Variants in ITGB2 observed in about 807,000 individuals in gnomAD.
The protein encoded by ITGB2 is integrin beta-2.
A neutral mutation model predicts 86.8 loss-of-function variants in ITGB2; 56 were observed. The ratio of observed to expected loss-of-function variants is 0.65; its 90% CI spans 0.52 to 0.81. The LOEUF is 0.81. Among genes scored for constraint, ITGB2 ranks in the 30% least tolerant of loss-of-function variants. The pLI, the probability that ITGB2 is intolerant of heterozygous loss-of-function variation, is 0.00. For missense variants in ITGB2, 948 were observed against 1,061.2 expected, an observed-to-expected ratio of 0.89 and a Z score of 1.48; for synonymous variants, 457 against 450.4, an observed-to-expected ratio of 1.01 and a Z score of -0.19.
rs1278051736 is a variant in ITGB2, at chr21:44,889,292, G to C, written c.1861C>G (p.Pro621Ala). 8.1e-6 allele frequency: 13 copies of C among 1,612,696 alleles called. No homozygotes were observed. The highest frequency in any genetic ancestry group is 1.1e-5 in the Non-Finnish European group (13 of 1,179,838). The change falls in exon 13 of 16, where the codon CCC becomes GCC. Residue 621 changes from proline to alanine, a missense_variant. Coordinates refer to ENST00000652462, the MANE Select transcript of ITGB2 (RefSeq NM_000211.5). Reference sequence around the variant, plus strand: ...TGCACTCACATGTACTTGCCACAGGGTGAGGGGCAGCCGGGGCACTCCTGG... The same window carrying C: ...TGCACTCACATGTACTTGCCACAGGCTGAGGGGCAGCCGGGGCACTCCTGG... ...LCQECPGCPS[P>A]CGKYISCAEC...
chr21:44,894,750 C>T (rs1473027769), intron 9 of ITGB2: 15 of 600,618 alleles, frequency 2.5e-5, no homozygotes, highest in Admixed American at 2.1e-4. Context: ...CAGGGAGCAT[C>T]GCCCACAACA....
At chr21:44,916,112 G>A (rs1490315700) in intron 1 of ITGB2, among the ~76,000 whole-genome samples, 2 of 152,064 alleles carry the variant, frequency 1.3e-5, no homozygotes, top group African/African-American at 4.8e-5. Context: ...TAGTAGAGAT[G>A]GAGTTTCACC....
chr21:44,891,671 G>A (rs2083786926), intron 11 of ITGB2, 138 bp downstream of exon 11: 4 of 920,876 alleles, frequency 4.3e-6, no homozygotes, highest in Admixed American at 2.3e-5. Context: ...CCCACCTCCT[G>A]CAGAAGGGGG....
At chr21:44,920,035 C>G (rs184633337) in intron 1 of ITGB2, among the ~76,000 whole-genome samples, 1 of 152,144 alleles carries the variant, frequency 6.6e-6, no homozygotes, top group South Asian at 2.1e-4. Context: ...TGAACCAACT[C>G]GACCAGAATC....
At chr21:44,896,693 G>A (rs1361043184) in intron 8 of ITGB2, among the ~76,000 whole-genome samples, 1 of 152,244 alleles carries the variant, frequency 6.6e-6, no homozygotes, top group African/African-American at 2.4e-5. Context: ...GTCCTGCTGA[G>A]CCTGCTGTGC....
intron 14 of ITGB2, among the ~76,000 whole-genome samples, 200 bp from the exon 15 acceptor site, chr21:44,887,102 G>T (rs950496164): frequency 6.6e-6 from 1 of 152,166 alleles, no homozygotes; most frequent in African/African-American, 2.4e-5. Flanking sequence ...AGGCCCTGTG[G>T]TTCCAAATGA....
At chr21:44,910,862 C>G in intron 1 of ITGB2, 77 bp from the exon 2 acceptor site, 1 of 1,464,928 alleles carries the variant, frequency 6.8e-7, no homozygotes, top group African/African-American at 1.4e-5. Flanking sequence ...TCCCCTCCAG[C>G]TGGCCTGGGA....
At chr21:44,925,379 T>G (rs952424480), upstream of ITGB2, among the ~76,000 whole-genome samples, 2 of 127,432 alleles carry the variant, frequency 1.6e-5, no homozygotes, top group African/African-American at 6.1e-5. Flanking sequence ...CAGAGTAAGA[T>G]CCTGTCAGAA....
intron 1 of ITGB2, among the ~76,000 whole-genome samples, chr21:44,916,025 A>C (rs13051783): frequency 0.19 from 28,940 of 151,970 alleles, 2,885 homozygotes; most frequent in African/African-American, 0.23. Flanking sequence ...CATGTTCAAG[A>C]AATTCTTCTG....
chr21:44,908,017 C>T, intron 3 of ITGB2: 1 of 716,404 alleles, frequency 1.4e-6, no homozygotes, highest in Non-Finnish European at 2.6e-6. Flanking sequence ...TTCAGAGGAG[C>T]TGAAAACCTC....
intron 3 of ITGB2, among the ~76,000 whole-genome samples, chr21:44,909,928 G>A (rs2146545317): frequency 6.6e-6 from 1 of 152,340 alleles, no homozygotes; most frequent in African/African-American, 2.4e-5. Flanking sequence ...AAGCGTGCTG[G>A]CGATGCGGGG....
At chr21:44,923,007 A>G (rs931360762), upstream of ITGB2, 2 of 152,256 alleles carry the variant, frequency 1.3e-5, no homozygotes, top group African/African-American at 4.8e-5. Flanking sequence ...CTCGCTGCGA[A>G]CGTCACGGAC....
upstream of ITGB2, among the ~76,000 whole-genome samples, chr21:44,924,473 G>T (rs562539329): frequency 1.3e-5 from 2 of 152,132 alleles, no homozygotes; most frequent in East Asian, 3.9e-4. Context: ...AAATCAAATA[G>T]AAATGCAAAT....
intron 1 of ITGB2, among the ~76,000 whole-genome samples, chr21:44,912,761 G>T (rs2084152878): frequency 6.6e-6 from 1 of 152,070 alleles, no homozygotes; most frequent in African/African-American, 2.4e-5. Context: ...CTGATCGGAG[G>T]CCCTGTGCGT....
Position 44,906,970 on chromosome 21 carries a change from G to A in ITGB2, c.273C>T (p.His91=), listed in dbSNP as rs1250107767. The change falls in exon 4 of 16, where the codon CAC becomes CAT. Residue 91 remains histidine (H), a synonymous_variant. Coordinates refer to ENST00000652462, the MANE Select transcript of ITGB2 (RefSeq NM_000211.5). ...PTSLAETQED[H]NGGQKQLSPQ... ...GGGACAGCTGCTTCTGGCCCCCATTGTGGTCTTCCTGGGTTTCAGCGAGGC... is the reference window on the plus strand; with the variant it reads ...GGGACAGCTGCTTCTGGCCCCCATTATGGTCTTCCTGGGTTTCAGCGAGGC... The A allele has an allele frequency of 5.0e-6, 8 of 1,614,224 alleles. No individual in the cohort carries two copies. The highest frequency in any genetic ancestry group is 6.8e-6 in the Non-Finnish European group (8 of 1,180,038).
In ITGB2 at chr21:44,928,392, G is replaced by A. The variant is rs141195832; in HGVS notation, c.-4+262C>T. On this transcript the variant is annotated intron_variant, in intron 1 of 15. Transcript: ENST00000355153. ...GAAGAAGAAACTGTAATTCCAGTCC[G>A]TCCACATGGCCCAGCAGTGAACGAC... 68 of 152,408 alleles carry A rather than the reference G, an allele frequency of 4.5e-4. 1 individual carries two copies. Among genetic ancestry groups the A allele is most frequent in the Middle Eastern group, 6.8e-3 (2 of 294 alleles). 9.4% of individuals were successfully genotyped at this position (152,408 alleles called of 1,614,324 possible). A position where few individuals can be genotyped will look rare whatever the true frequency, so the allele number is the denominator to read the frequency against.
At chr21:44,898,388 G>C (rs192895056) in intron 8 of ITGB2, among the ~76,000 whole-genome samples, 1 of 152,142 alleles carries the variant, frequency 6.6e-6, no homozygotes, top group Non-Finnish European at 1.5e-5. Flanking sequence ...CTCCCACCTC[G>C]GGCAGCGGCT....
intron 10 of ITGB2, 36 bp from the exon 11 acceptor site, chr21:44,892,032 G>T: frequency 6.3e-7 from 1 of 1,595,234 alleles, no homozygotes; most frequent in East Asian, 2.3e-5. Context: ...GGGGACCCTC[G>T]GTGGCCAGGG....
intron 7 of ITGB2, among the ~76,000 whole-genome samples, chr21:44,899,519 C>T (rs2083917173): frequency 1.3e-5 from 2 of 151,730 alleles, no homozygotes; most frequent in South Asian, 2.1e-4. Context: ...TCAGGTGCGG[C>T]TCTCCCTACC....
Sources: gnomAD v4.1 joint callset for allele counts (sites outside exome capture counted in the v4.1 genomes callset) on GRCh38, gnomAD v4.1.1 for gene constraint, MANE v1.5 for transcripts, NCBI Gene and HGNC (gene_info 2026-07-23, HGNC 2026-07-21) for gene names.